Variants in SETD9 observed in about 807,000 individuals in gnomAD.
SETD9 encodes the protein SET domain containing 9, also known as SET domain-containing protein 9.
SETD9 carries 37 observed loss-of-function variants against 36.4 expected under a neutral mutation model. That is an observed-to-expected ratio of 1.02 (90% CI 0.78 to 1.34). The LOEUF is 1.34. Ranked by LOEUF, SETD9 falls within the 40% of genes most tolerant of loss-of-function variation. The probability of loss-of-function intolerance (pLI) is 0.00; values close to 1 mark genes in which losing one functional copy is unlikely to be tolerated. For synonymous variants in SETD9, 128 were observed against 132.9 expected (o/e 0.96, Z 0.26); for missense variants, 323 against 353.2 (o/e 0.91, Z 0.69).
chr5:56,917,196 TC>T lies in SETD9; in HGVS notation c.*295del. ...TCTTTGAACTTATAATTTCAATTTT[TC>T]TTTTGTTTATTTTGTAAGCTCTGTG... On this transcript the variant is annotated 3_prime_UTR_variant, in exon 6 of 6. Coordinates refer to ENST00000285947, the MANE Select transcript of SETD9 (RefSeq NM_153706.4). The T allele has an allele frequency of 9.3e-7, 1 of 1,076,174 alleles. No homozygotes were observed. Among genetic ancestry groups the T allele is most frequent in the Non-Finnish European group, 1.1e-6 (1 of 890,012 alleles). The allele number at this position is 1,076,174 out of a possible 1,614,324, so 66.7% of individuals were successfully genotyped here.
intron 4 of SETD9, among the ~76,000 whole-genome samples, chr5:56,914,474 T>C (rs752000458): frequency 6.6e-5 from 10 of 152,156 alleles, no homozygotes; most frequent in Admixed American, 1.3e-4. Context: ...CTGACTCTTT[T>C]ATTAGTATTT....
chr5:56,921,478 C>T (rs1185416370), downstream of SETD9: 1 of 152,608 alleles, frequency 6.6e-6, no homozygotes, highest in African/African-American at 2.4e-5. Flanking sequence ...TTTTTGTCCA[C>T]TGTGCTAAAC....
chr5:56,913,088 G>GTA lies in SETD9; in HGVS notation c.545_546dup (p.Leu183TyrfsTer27), dbSNP rs1749232955. On this transcript the variant is annotated frameshift_variant, in exon 3 of 6. Coordinates refer to ENST00000285947, the MANE Select transcript of SETD9 (RefSeq NM_153706.4). LOFTEE classifies it high-confidence loss of function. ...GTTTATTTTTAGATGCCTGGATGGG[G>GTA]TACTCATTGATGGGAATGACAAAGG... 4.3e-6 allele frequency: 7 copies of GTA among 1,614,018 alleles called. No individual in the cohort carries two copies. Among genetic ancestry groups the GTA allele is most frequent in the Non-Finnish European group, 5.9e-6 (7 of 1,179,970 alleles).
At position 56,924,118 on chromosome 5, in the gene SETD9, C is replaced by G. The variant is rs1232535500; in HGVS notation, c.813-1215C>G. The G allele has an allele frequency of 7.1e-6, 10 of 1,410,184 alleles. No homozygotes were observed. In the South Asian group the frequency reaches 1.3e-4, roughly 18 times the overall value. The allele number at this position is 1,410,184 out of a possible 1,614,324, so 87.4% of individuals were successfully genotyped here. On this transcript the variant is annotated intron_variant, in intron 5 of 5. Transcript: ENST00000628593. Reference sequence around the variant, plus strand: ...TAAGCAACTTTTCTTTTCCACAACACTACAACTTCAATCCATGGGTCTTAT... The same window carrying G: ...TAAGCAACTTTTCTTTTCCACAACAGTACAACTTCAATCCATGGGTCTTAT...
At chr5:56,928,000 T>C (rs557854166), downstream of SETD9, 32 of 152,310 alleles carry the variant, frequency 2.1e-4, 1 homozygote, top group Admixed American at 2.0e-3. Context: ...TTCCTTCACT[T>C]AATAATATGC....
chr5:56,923,026 T>C, intron 5 of SETD9: 1 of 858,784 alleles, frequency 1.2e-6, no homozygotes, highest in South Asian at 1.7e-5. Flanking sequence ...ACTGATGTCA[T>C]AGTGAGAAAG....
At chr5:56,909,365 G>A, upstream of SETD9, 1 of 344,292 alleles carries the variant, frequency 2.9e-6, no homozygotes, top group Non-Finnish European at 5.3e-6. Context: ...CAGGGCTAGC[G>A]CTTGTGTGCG....
At chr5:56,922,010 C>A (rs1327458981), downstream of SETD9, 1 of 152,574 alleles carries the variant, frequency 6.6e-6, no homozygotes, top group Non-Finnish European at 1.5e-5. Context: ...TGGTAATGTA[C>A]CATTCTATTT....
chr5:56,928,213 T>G (rs1750092029), downstream of SETD9: 1 of 152,244 alleles, frequency 6.6e-6, no homozygotes, highest in African/African-American at 2.4e-5. Flanking sequence ...TTTGGGTAAA[T>G]GCCAAGGAAC....
downstream of SETD9, among the ~76,000 whole-genome samples, chr5:56,918,112 C>T (rs1749504815): frequency 6.7e-6 from 1 of 150,040 alleles, no homozygotes; most frequent in Non-Finnish European, 1.5e-5. Flanking sequence ...AAACCCTCTC[C>T]CTATCATGGA....
chr5:56,918,967 G>C (rs541260119), downstream of SETD9, among the ~76,000 whole-genome samples: 1 of 152,236 alleles, frequency 6.6e-6, no homozygotes, highest in East Asian at 1.9e-4. Flanking sequence ...GGATAAGGAA[G>C]ACTAGTTGAC....
intron 1 of SETD9, chr5:56,910,345 G>C (rs985281375): frequency 2.1e-5 from 27 of 1,304,128 alleles, no homozygotes; most frequent in Non-Finnish European, 2.4e-5. Flanking sequence ...CGTTAAGAAC[G>C]GGCAGAACGC....
chr5:56,910,072 T>A, intron 1 of SETD9: 1 of 1,269,374 alleles, frequency 7.9e-7, no homozygotes, highest in Middle Eastern at 3.2e-4. Flanking sequence ...GAGGCCGAGC[T>A]CGCCAGCCGG....
rs1243547194 is a variant in SETD9 at position 56,913,929 on chromosome 5, C to G, written c.646C>G (p.Leu216Val). Residue 216 changes from leucine (L) to valine (V), a missense_variant, in exon 4 of 6, where the codon CTA (leucine) becomes GTA (valine). Physicochemically the swap from Leu to Val is conservative, Grantham distance 32. Coordinates refer to ENST00000285947, the MANE Select transcript of SETD9 (RefSeq NM_153706.4). ...GPLKMSDSTW[L>V]TSEIHNPLAV... The stretch of plus-strand genomic sequence containing the variant: ...TTTAAAAATGAGTGATAGTACATGG[C>G]TAACGTCAGAAATTCATAACCCTCT... 6.2e-7 allele frequency: 1 copy of G among 1,613,984 alleles called. No homozygotes were observed. The highest frequency in any genetic ancestry group is 1.3e-5 in the African/African-American group (1 of 75,032).
At chr5:56,926,772 A>G (rs528422074), downstream of SETD9, among the ~76,000 whole-genome samples, 1 of 152,222 alleles carries the variant, frequency 6.6e-6, no homozygotes, top group East Asian at 1.9e-4. Context: ...CTGCACATGA[A>G]TATTTATAGC....
intron 5 of SETD9, chr5:56,923,742 G>A: frequency 1.2e-6 from 2 of 1,614,184 alleles, no homozygotes; most frequent in Non-Finnish European, 1.7e-6. Context: ...TGTTGATCAG[G>A]AATAGGCTCA....
At chr5:56,910,233 T>A (rs1235047090) in intron 1 of SETD9, 3 of 1,294,740 alleles carry the variant, frequency 2.3e-6, no homozygotes, top group Non-Finnish European at 1.0e-6. Context: ...TTGAACTTCC[T>A]CAGAAAAGCC....
intron 3 of SETD9, among the ~76,000 whole-genome samples, 172 bp downstream of exon 3, chr5:56,913,306 G>A (rs1749249167): frequency 6.6e-6 from 1 of 151,966 alleles, no homozygotes; most frequent in Non-Finnish European, 1.5e-5. Flanking sequence ...CTCCCATCTC[G>A]GCCTTCCAAA....
At chr5:56,918,957 G>A (rs1296889050), downstream of SETD9, among the ~76,000 whole-genome samples, 1 of 152,076 alleles carries the variant, frequency 6.6e-6, no homozygotes, top group Non-Finnish European at 1.5e-5. Context: ...TGAATCGTAT[G>A]GATAAGGAAG....
Sources: gnomAD v4.1 joint callset for allele counts (sites outside exome capture counted in the v4.1 genomes callset) on GRCh38, gnomAD v4.1.1 for gene constraint, MANE v1.5 for transcripts, NCBI Gene and HGNC (gene_info 2026-07-23, HGNC 2026-07-21) for gene names.